FBXO38: variants seen among roughly 807,000 people sequenced by gnomAD.
The protein encoded by FBXO38 is F-box only protein 38.
A neutral mutation model predicts 131.9 loss-of-function variants in FBXO38; 53 were observed. The observed-to-expected ratio is 0.40, with a 90% CI of 0.32 to 0.51. The LOEUF is 0.51. Among genes scored for constraint, FBXO38 ranks in the 20% least tolerant of loss-of-function variants. The pLI, the probability that FBXO38 is intolerant of heterozygous loss-of-function variation, is 0.53. For missense variants in FBXO38, 1,076 were observed against 1,475.6 expected (o/e 0.73, Z 4.44); for synonymous variants, 452 against 505.6 (o/e 0.89, Z 1.42).
At chr5:148,388,582 G>A (rs916882021) in intron 1 of FBXO38, among the ~76,000 whole-genome samples, 3 of 152,232 alleles carry the variant, frequency 2.0e-5, no homozygotes, top group Middle Eastern at 3.4e-3. Context: ...GTGCTTTTCC[G>A]CTATGGAGAC....
rs1752332363 is a variant in FBXO38 at position 148,404,552 on chromosome 5, A to G, written c.593-133A>G. The G allele has an allele frequency of 5.4e-6, 4 of 746,810 alleles. No individual in the cohort carries two copies. The South Asian group carries it at 1.1e-4, about 21-fold the overall frequency. The allele number at this position is 746,810 out of a possible 1,614,324, so 46.3% of individuals were successfully genotyped here. A position where few individuals can be genotyped will look rare whatever the true frequency, so the allele number is the denominator to read the frequency against. Reference sequence around the variant, plus strand: ...ATAAGGCAAACTTGATAGATTTTGTATAATTTGTTCGGATAAAAATCCTTG... The same window carrying G: ...ATAAGGCAAACTTGATAGATTTTGTGTAATTTGTTCGGATAAAAATCCTTG... On this transcript the variant is annotated intron_variant, in intron 5 of 21. Coordinates refer to ENST00000340253, the MANE Select transcript of FBXO38 (RefSeq NM_205836.3).
chr5:148,421,189 A>G (rs1753404901), intron 12 of FBXO38, among the ~76,000 whole-genome samples: 1 of 152,084 alleles, frequency 6.6e-6, no homozygotes. Context: ...GATGGTCTCC[A>G]TCTCAACCTC....
At chr5:148,424,148 T>G (rs1160337541) in intron 13 of FBXO38, 31 bp downstream of exon 13, 4 of 1,593,664 alleles carry the variant, frequency 2.5e-6, no homozygotes, top group Non-Finnish European at 3.4e-6. Context: ...ACATTCATCA[T>G]TCTGAAACTA....
At chr5:148,418,088 A>G (rs1335253652) in intron 12 of FBXO38, among the ~76,000 whole-genome samples, 5 of 152,148 alleles carry the variant, frequency 3.3e-5, no homozygotes, top group East Asian at 1.9e-4. Flanking sequence ...CTTGGTCCCT[A>G]TAGAACTCTC....
chr5:148,429,971 A>G (rs575296771), intron 15 of FBXO38, among the ~76,000 whole-genome samples: 1 of 151,896 alleles, frequency 6.6e-6, no homozygotes, highest in East Asian at 1.9e-4. Context: ...TGTCTGTAAC[A>G]TGGTCATAGT....
chr5:148,438,289 A>C, intron 17 of FBXO38, 43 bp from the exon 18 acceptor site: 2 of 1,589,612 alleles, frequency 1.3e-6, no homozygotes, highest in East Asian at 4.5e-5. Flanking sequence ...CCATCTCTCC[A>C]AAGATGATAT....
intron 1 of FBXO38, among the ~76,000 whole-genome samples, chr5:148,388,465 C>G (rs58737746): frequency 0.018 from 2,746 of 152,296 alleles, 81 homozygotes; most frequent in African/African-American, 0.062. Context: ...GAAGGCTGTA[C>G]GTACTGAAAA....
intron 13 of FBXO38, among the ~76,000 whole-genome samples, chr5:148,424,505 C>T (rs1223275610): frequency 1.3e-5 from 2 of 152,172 alleles, no homozygotes; most frequent in Non-Finnish European, 2.9e-5. Context: ...GTTTAGTAAA[C>T]AAACCAAAAC....
rs745708269 is a variant in FBXO38 at position 148,425,611 on chromosome 5, C to G, written c.1828C>G (p.Gln610Glu). 1 of 1,613,818 alleles carries G rather than the reference C, an allele frequency of 6.2e-7. No individual in the cohort carries two copies. The highest frequency in any genetic ancestry group is 1.1e-5 in the South Asian group (1 of 91,076). The change falls in exon 14 of 22, where the codon CAA (glutamine) becomes GAA (glutamate). Residue 610 changes from glutamine (Q) to glutamate (E), a missense_variant. By Grantham distance (29) the Gln-to-Glu change is conservative. This residue lies in a region of FBXO38 where 212 missense variants were observed against 221.2 expected (regional missense o/e 0.96). Coordinates refer to ENST00000340253, the MANE Select transcript of FBXO38 (RefSeq NM_205836.3). ...TGATGAAGAAGATAGTCTAGAACTC[C>G]AAGAAGTCTGGATTCCTAAGAACGG... is the stretch of plus-strand genomic sequence containing the variant. Reference protein sequence around the residue: ...SDDEEDSLELQEVWIPKNGTR... With the variant: ...SDDEEDSLELEEVWIPKNGTR...
At chr5:148,440,947 G>A (rs1754646815) in intron 20 of FBXO38, among the ~76,000 whole-genome samples, 177 bp from the exon 21 acceptor site, 1 of 152,178 alleles carries the variant, frequency 6.6e-6, no homozygotes, top group Non-Finnish European at 1.5e-5. Context: ...ATCAGAACCA[G>A]TGATGAAACA....
In FBXO38 at chr5:148,424,029, A is replaced by T; in HGVS notation, c.1650A>T (p.Glu550Asp). 1 of 1,613,444 alleles carries T rather than the reference A, an allele frequency of 6.2e-7. No homozygotes were observed. Among genetic ancestry groups the T allele is most frequent in the Non-Finnish European group, 8.5e-7 (1 of 1,179,612 alleles). The change falls in exon 13 of 22, where the codon GAA becomes GAT. Residue 550 changes from glutamate to aspartate, a missense_variant. By Grantham distance (45) the Glu-to-Asp change is conservative. Transcript: ENST00000340253. ...ALNEMEDIVQ[E>D]DGEVVAESGN... ...ATGAGATGGAAGACATCGTCCAAGA[A>T]GATGGAGAGGTGGTGGCCGAGAGTG...
chr5:148,429,709 C>G (rs1753924368), intron 15 of FBXO38, among the ~76,000 whole-genome samples: 1 of 152,096 alleles, frequency 6.6e-6, no homozygotes, highest in Admixed American at 6.5e-5. Context: ...TTACTTATGT[C>G]TCTTGATAAA....
chr5:148,422,693 A>G (rs565128732), intron 12 of FBXO38, among the ~76,000 whole-genome samples: 2 of 152,352 alleles, frequency 1.3e-5, no homozygotes, highest in Non-Finnish European at 2.9e-5. Flanking sequence ...TTTGGGTATC[A>G]TATTAAATGT....
intron 9 of FBXO38, chr5:148,410,998 A>C (rs1184987845): frequency 7.2e-6 from 3 of 417,652 alleles, no homozygotes; most frequent in Non-Finnish European, 8.4e-6. Context: ...AATACACCAG[A>C]AAAAGAACCT....
chr5:148,424,261 C>A, intron 13 of FBXO38, 144 bp downstream of exon 13: 1 of 807,854 alleles, frequency 1.2e-6, no homozygotes, highest in South Asian at 1.9e-5. Flanking sequence ...AACTGTAATA[C>A]ATTGCTGGTA....
chr5:148,399,021 A>G lies in FBXO38; in HGVS notation c.151A>G (p.Met51Val), dbSNP rs1335692035. 1.2e-6 allele frequency: 2 copies of G among 1,613,382 alleles called. No homozygotes were observed. Among genetic ancestry groups the G allele is most frequent in the Admixed American group, 1.7e-5 (1 of 59,958 alleles). ...AAGGTACCTCCCTCTGCAGGATATC[A>G]TGTGTATGGAATGTCTTTCCCGGAA... is the stretch of plus-strand genomic sequence containing the variant. ...IFRYLPLQDI[M>V]CMECLSRKLK... is the part of the protein sequence containing the mutation. Residue 51 changes from methionine (M) to valine (V), a missense_variant, in exon 3 of 22, where the codon ATG becomes GTG. By Grantham distance (21) the Met-to-Val change is conservative. This residue lies in a region of FBXO38 where 96 missense variants were observed against 193.9 expected (regional missense o/e 0.50). Transcript: ENST00000340253.
Position 148,442,171 on chromosome 5 carries a change from A to G in FBXO38, c.*24A>G, listed in dbSNP as rs1023418628. 6.2e-7 allele frequency: 1 copy of G among 1,607,278 alleles called. No homozygotes were observed. The highest frequency in any genetic ancestry group is 1.3e-5 in the African/African-American group (1 of 74,822). Reference sequence around the variant, plus strand: ...AATTGGTCCCTCCTCCTTTCCAGCTATTTTGTCAGAAAGCAAGTAGGGCCA... The same window carrying G: ...AATTGGTCCCTCCTCCTTTCCAGCTGTTTTGTCAGAAAGCAAGTAGGGCCA... On this transcript the variant is annotated 3_prime_UTR_variant, in exon 22 of 22. Transcript: ENST00000340253.
intron 9 of FBXO38, among the ~76,000 whole-genome samples, chr5:148,413,065 T>G (rs919872437): frequency 3.9e-5 from 6 of 152,046 alleles, no homozygotes; most frequent in Non-Finnish European, 7.4e-5. Context: ...TACCCTATCT[T>G]AAGGAAAATG....
chr5:148,436,805 T>C (rs1397552626), intron 17 of FBXO38, among the ~76,000 whole-genome samples: 1 of 152,244 alleles, frequency 6.6e-6, no homozygotes, highest in Non-Finnish European at 1.5e-5. Context: ...AGTAGTACTT[T>C]TCTCTATCCC....
Sources: allele counts gnomAD v4.1 joint callset (sites outside exome capture counted in the v4.1 genomes callset), GRCh38; gene constraint gnomAD v4.1.1; regional missense constraint gnomAD v4.1.1; transcripts MANE v1.5; gene names NCBI Gene and HGNC (gene_info 2026-07-23, HGNC 2026-07-21).